ADGRV1: variants seen among roughly 807,000 people sequenced by gnomAD.
ADGRV1 encodes the protein G-protein coupled receptor 98.
Under a neutral mutation model 596.2 loss-of-function variants are expected in ADGRV1, and 359 were observed. The observed-to-expected ratio is 0.60, with a 90% CI of 0.55 to 0.66. The LOEUF (loss-of-function observed/expected upper bound fraction) is 0.66, where lower values mean the gene tolerates loss of function less well. ADGRV1 is among the 30% of genes least tolerant of loss of function. The pLI, the probability that ADGRV1 is intolerant of heterozygous loss-of-function variation, is 0.00. For missense variants in ADGRV1, 7,274 were observed against 7,575.6 expected (o/e 0.96, Z 1.48); for synonymous variants, 2,681 against 2,679.2 (o/e 1.00, Z -0.02).
intron 77 of ADGRV1, among the ~76,000 whole-genome samples, chr5:90,832,525 G>A (rs1764606669): frequency 6.6e-6 from 1 of 152,074 alleles, no homozygotes; most frequent in African/African-American, 2.4e-5. Context: ...TGGGTAGTTT[G>A]CAGATATTTT....
At chr5:90,981,321 C>T (rs983243688) in intron 84 of ADGRV1, among the ~76,000 whole-genome samples, 4 of 152,094 alleles carry the variant, frequency 2.6e-5, no homozygotes, top group South Asian at 2.1e-4. Flanking sequence ...CAATCAGATA[C>T]GCATTTATCT....
intron 85 of ADGRV1, among the ~76,000 whole-genome samples, chr5:91,067,464 A>G (rs1314533055): frequency 6.6e-6 from 1 of 152,164 alleles, no homozygotes; most frequent in Non-Finnish European, 1.5e-5. Context: ...TTTTAAGATC[A>G]TTAGCGCTTA....
chr5:91,075,641 T>A (rs1295126979), intron 86 of ADGRV1, among the ~76,000 whole-genome samples: 2 of 152,222 alleles, frequency 1.3e-5, no homozygotes, highest in Non-Finnish European at 2.9e-5. Context: ...TGGCAATTTA[T>A]TCTAATAGTC....
At chr5:90,716,364 A>T (rs1750110369) in intron 42 of ADGRV1, 103 bp from the exon 43 acceptor site, 2 of 694,504 alleles carry the variant, frequency 2.9e-6, no homozygotes, top group Non-Finnish European at 4.6e-6. Flanking sequence ...CAATCACCTT[A>T]GGTAAAGAGT....
chr5:90,646,499 G>A (rs1767783853), intron 16 of ADGRV1, among the ~76,000 whole-genome samples: 1 of 151,844 alleles, frequency 6.6e-6, no homozygotes, highest in African/African-American at 2.4e-5. Flanking sequence ...AGAAGGACCT[G>A]AGTATTATGC....
intron 67 of ADGRV1, among the ~76,000 whole-genome samples, chr5:90,786,724 G>T (rs1759493827): frequency 6.6e-6 from 1 of 152,170 alleles, no homozygotes; most frequent in African/African-American, 2.4e-5. Context: ...AGGAATCAAG[G>T]ATAACTCCTT....
chr5:90,573,992 A>G (rs947975747), intron 1 of ADGRV1, among the ~76,000 whole-genome samples: 4 of 152,076 alleles, frequency 2.6e-5, no homozygotes, highest in South Asian at 2.1e-4. Context: ...TCTGTTTTCT[A>G]TTTTGTTCCA....
intron 76 of ADGRV1, among the ~76,000 whole-genome samples, chr5:90,824,635 C>T (rs1211665406): frequency 1.3e-5 from 2 of 152,234 alleles, no homozygotes; most frequent in Non-Finnish European, 1.5e-5. Context: ...ATACTCAAGA[C>T]ATTTGATCAT....
chr5:90,955,321 G>A (rs949788), intron 83 of ADGRV1, among the ~76,000 whole-genome samples: 4,057 of 152,146 alleles, frequency 0.027, 170 homozygotes, highest in African/African-American at 0.092. Context: ...CTTGCTTTCT[G>A]TCTGAAAATA....
At position 90,559,718 on chromosome 5, in the gene ADGRV1, A is replaced by G. The variant is rs147299757; in HGVS notation, c.22+801A>G. On this transcript the variant is annotated intron_variant, in intron 1 of 89. Coordinates refer to ENST00000405460, the MANE Select transcript of ADGRV1 (RefSeq NM_032119.4). ...TTTTAGAAACTGATATCAAATTTTA[A>G]AGATGCATAATTACTGAGAATTAGG... Among the ~76,000 whole-genome samples, 5 of 152,290 alleles carry G rather than the reference A, an allele frequency of 3.3e-5. No individual in the cohort carries two copies. In the East Asian group the frequency reaches 9.6e-4, roughly 29 times the overall value.
rs531541362 is a variant in ADGRV1, at chr5:91,115,716, G to A, written c.18432+13376G>A. Among the ~76,000 whole-genome samples the A allele has an allele frequency of 7.9e-5, 12 of 152,278 alleles. No homozygotes were observed. The South Asian group carries it at 1.9e-3, about 24-fold the overall frequency. ...AATCCCAGCACTTTGGGAGGCCAAG[G>A]TGGGCAGATCACTTGAGGTCAGGAG... On this transcript the variant is annotated intron_variant, in intron 87 of 89. Coordinates refer to ENST00000405460, the MANE Select transcript of ADGRV1 (RefSeq NM_032119.4).
chr5:90,993,743 CTG>C (rs1781169355), intron 85 of ADGRV1, among the ~76,000 whole-genome samples: 1 of 151,842 alleles, frequency 6.6e-6, no homozygotes, highest in South Asian at 2.1e-4. Flanking sequence ...GGAGTGGAGT[CTG>C]TGAAACTTCT....
At position 90,635,221 on chromosome 5, in the gene ADGRV1, T is replaced by C; in HGVS notation, c.1947T>C (p.Asn649=). 6.2e-7 allele frequency: 1 copy of C among 1,613,040 alleles called. No homozygotes were observed. The highest frequency in any genetic ancestry group is 8.5e-7 in the Non-Finnish European group (1 of 1,179,552). Residue 649 remains asparagine (N), a synonymous_variant, in exon 10 of 90, where the codon AAT becomes AAC. Transcript: ENST00000405460. ...TACTGGTTACTCCAGCCATTGCAAA[T>C]GGAGAAATTGGCTTTCTCAGCAATC... is the stretch of plus-strand genomic sequence containing the variant. ...ISLLVTPAIA[N]GEIGFLSNLP...
intron 83 of ADGRV1, among the ~76,000 whole-genome samples, chr5:90,964,016 T>C (rs1778245177): frequency 6.6e-6 from 1 of 151,970 alleles, no homozygotes; most frequent in Non-Finnish European, 1.5e-5. Context: ...AATTGAGATT[T>C]TGGGAACATG....
Position 90,835,109 on chromosome 5 carries a change from G to C in ADGRV1, c.16612-5469G>C, listed in dbSNP as rs144618828. Among the ~76,000 whole-genome samples the C allele has an allele frequency of 2.6e-5, 4 of 152,162 alleles. No homozygotes were observed. The East Asian group carries it at 7.7e-4, about 29-fold the overall frequency. Reference sequence around the variant, plus strand: ...GCTTGCGGATATTTGTCAATATCTGGACATTGAAGACTTAGGTATTTATTG... The same window carrying C: ...GCTTGCGGATATTTGTCAATATCTGCACATTGAAGACTTAGGTATTTATTG... On this transcript the variant is annotated intron_variant, in intron 77 of 89. Transcript: ENST00000405460.
chr5:90,847,126 T>C (rs915094255), intron 78 of ADGRV1, among the ~76,000 whole-genome samples: 5 of 152,038 alleles, frequency 3.3e-5, no homozygotes, highest in African/African-American at 4.8e-5. Context: ...ATTAACTAGA[T>C]ACAGAGTGCC....
chr5:91,101,338 T>A (rs568746435), intron 86 of ADGRV1, among the ~76,000 whole-genome samples: 4 of 152,260 alleles, frequency 2.6e-5, no homozygotes, highest in Admixed American at 2.6e-4. Flanking sequence ...GGACGAGGAT[T>A]TTAGGTGTTA....
intron 30 of ADGRV1, among the ~76,000 whole-genome samples, 188 bp from the exon 31 acceptor site, chr5:90,690,609 A>T (rs1048259487): frequency 1.2e-4 from 18 of 152,180 alleles, no homozygotes; most frequent in African/African-American, 4.3e-4. Context: ...TATCACAGTG[A>T]AAAATAATTT....
chr5:90,775,914 C>A (rs1351553583), intron 60 of ADGRV1, among the ~76,000 whole-genome samples: 4 of 152,072 alleles, frequency 2.6e-5, no homozygotes, highest in African/African-American at 7.2e-5. Flanking sequence ...TTTCTGGAAA[C>A]AATTTTCTTT....
Sources: gnomAD v4.1 joint callset for allele counts (sites outside exome capture counted in the v4.1 genomes callset) on GRCh38, gnomAD v4.1.1 for gene constraint, MANE v1.5 for transcripts, NCBI Gene and HGNC (gene_info 2026-07-23, HGNC 2026-07-21) for gene names.